Variants in NBAS observed in about 807,000 individuals in gnomAD.
NBAS encodes the protein NBAS subunit of NRZ tethering complex, also known as NAG/BC035112 fusion.
In NBAS, 219 loss-of-function variants were observed where a neutral mutation model predicts 302.5. That is an observed-to-expected ratio of 0.72 (90% CI 0.65 to 0.81). NBAS has a LOEUF of 0.81. Among genes scored for constraint, NBAS ranks in the 30% least tolerant of loss-of-function variants. The pLI, the probability that NBAS is intolerant of heterozygous loss-of-function variation, is 0.00. For missense variants in NBAS, 2,932 were observed against 2,841.6 expected (o/e 1.03, Z -0.72); for synonymous variants, 1,118 against 1,021.6 (o/e 1.09, Z -1.80).
chr2:15,040,352 G>A, the NBAS span, among the ~76,000 whole-genome samples: 89 of 152,244 alleles, frequency 5.8e-4, no homozygotes, highest in African/African-American at 2.1e-3. Flanking sequence ...TTCACAAACA[G>A]GTAGGGATCT....
intron 21 of NBAS, among the ~76,000 whole-genome samples, chr2:15,459,500 TTTC>T (rs1287408257): frequency 1.8e-5 from 2 of 109,528 alleles, no homozygotes; most frequent in African/African-American, 6.5e-5. Context: ...CTGAGCATTT[TTTC>T]TTTTTTTTTG....
At chr2:15,273,873 A>C (rs1194230188) in intron 44 of NBAS, among the ~76,000 whole-genome samples, 2 of 151,982 alleles carry the variant, frequency 1.3e-5, no homozygotes, top group Non-Finnish European at 2.9e-5. Context: ...CAGGAGATCG[A>C]GACCATCCTG....
intron 16 of NBAS, among the ~76,000 whole-genome samples, chr2:15,472,719 G>A (rs774303480): frequency 6.6e-6 from 1 of 152,128 alleles, no homozygotes; most frequent in Non-Finnish European, 1.5e-5. Context: ...ACCACTCCTG[G>A]TCCAATGGGT....
At chr2:15,193,257 G>A (rs1476408267) in intron 48 of NBAS, among the ~76,000 whole-genome samples, 1 of 152,026 alleles carries the variant, frequency 6.6e-6, no homozygotes, top group Non-Finnish European at 1.5e-5. Flanking sequence ...CTAAAAATGT[G>A]AAAAATACAG....
rs202006144 is a variant in NBAS, at chr2:15,252,570, TGTTA to T, written c.5725-13888_5725-13885del. 1.9e-3 allele frequency among the ~76,000 whole-genome samples: 281 copies of T among 151,576 alleles called. 5 individuals carry two copies. The East Asian group carries it at 0.04, about 22-fold the overall frequency. The stretch of plus-strand genomic sequence containing the variant: ...CATAGCATGACTTTGAACATAAGGC[TGTTA>T]TTTAGGAAATGGCAGGTGACTTAAG... On this transcript the variant is annotated intron_variant, in intron 44 of 51. Transcript: ENST00000281513.
chr2:14,955,789 G>T, the NBAS span, among the ~76,000 whole-genome samples: 3 of 152,222 alleles, frequency 2.0e-5, no homozygotes, highest in African/African-American at 7.2e-5. Flanking sequence ...TAGAGCAAGG[G>T]TCCCCAGCCT....
chr2:15,139,679 C>G, the NBAS span, among the ~76,000 whole-genome samples: 2 of 152,136 alleles, frequency 1.3e-5, no homozygotes, highest in Admixed American at 1.3e-4. Flanking sequence ...ATAAGAGAAA[C>G]CATGCCTTAG....
intron 50 of NBAS, 82 bp downstream of exon 50, chr2:15,186,660 C>T (rs781601667): frequency 3.6e-5 from 57 of 1,595,274 alleles, no homozygotes; most frequent in Non-Finnish European, 4.3e-5. Flanking sequence ...TTCCTCAAAT[C>T]CAGTCTCTGG....
chr2:15,452,440 T>C (rs1002316978), intron 21 of NBAS, among the ~76,000 whole-genome samples: 4 of 36,280 alleles, frequency 1.1e-4, no homozygotes, highest in South Asian at 5.8e-4. Flanking sequence ...CTAAAAAAAT[T>C]AGTCGGGCGT....
At chr2:14,963,190 C>G in the NBAS span, among the ~76,000 whole-genome samples, 2 of 152,058 alleles carry the variant, frequency 1.3e-5, no homozygotes, top group South Asian at 4.1e-4. Context: ...ACTACTTGAA[C>G]CTGGGAGGCG....
At chr2:14,826,559 T>C in the NBAS span, among the ~76,000 whole-genome samples, 1 of 152,254 alleles carries the variant, frequency 6.6e-6, no homozygotes, top group Non-Finnish European at 1.5e-5. Context: ...TCCTCTTGCA[T>C]CTGTCTTCCT....
At chr2:14,813,898 G>T in the NBAS span, among the ~76,000 whole-genome samples, 5 of 152,256 alleles carry the variant, frequency 3.3e-5, no homozygotes, top group South Asian at 1.0e-3. Context: ...AAAAAATTTG[G>T]GGGGGCCAGG....
chr2:15,191,261 T>C (rs556191790), intron 48 of NBAS, among the ~76,000 whole-genome samples: 2 of 152,324 alleles, frequency 1.3e-5, no homozygotes, highest in South Asian at 4.1e-4. Flanking sequence ...TGGTTACCTG[T>C]ATACATGCTA....
the NBAS span, among the ~76,000 whole-genome samples, chr2:15,094,719 T>G: frequency 6.6e-6 from 1 of 152,184 alleles, no homozygotes; most frequent in East Asian, 1.9e-4. Context: ...GGCTGAACCC[T>G]GCAGTGCTCC....
chr2:15,457,236 C>T (rs926637204), intron 21 of NBAS, among the ~76,000 whole-genome samples: 1 of 152,112 alleles, frequency 6.6e-6, no homozygotes, highest in Non-Finnish European at 1.5e-5. Context: ...TGACTTGTTT[C>T]AACTCAAGTC....
At chr2:14,817,418 G>A in the NBAS span, among the ~76,000 whole-genome samples, 261 of 151,988 alleles carry the variant, frequency 1.7e-3, no homozygotes, top group African/African-American at 6.1e-3. Flanking sequence ...TATTGCATGT[G>A]TCTGTTTGTC....
chr2:14,990,863 T>A, the NBAS span, among the ~76,000 whole-genome samples: 1 of 152,192 alleles, frequency 6.6e-6, no homozygotes, highest in Non-Finnish European at 1.5e-5. Context: ...CCATGGTTCC[T>A]GAAGCTGAAT....
At chr2:14,791,541 C>T in the NBAS span, among the ~76,000 whole-genome samples, 361 of 152,158 alleles carry the variant, frequency 2.4e-3, no homozygotes, top group African/African-American at 7.9e-3. Flanking sequence ...CAGTGGTTCA[C>T]GCCTGTAATC....
the NBAS span, among the ~76,000 whole-genome samples, chr2:15,084,844 C>T: frequency 6.6e-6 from 1 of 152,198 alleles, no homozygotes; most frequent in Non-Finnish European, 1.5e-5. Context: ...TCCTCGAAGA[C>T]TCTAACCACT....
Sources: allele counts gnomAD v4.1 joint callset (sites outside exome capture counted in the v4.1 genomes callset), GRCh38; gene constraint gnomAD v4.1.1; transcripts MANE v1.5; gene names NCBI Gene and HGNC (gene_info 2026-07-23, HGNC 2026-07-21).